CFDP1: variants seen among roughly 807,000 people sequenced by gnomAD.
CFDP1 encodes chromatin remodeling protein CFDP1.
In CFDP1, 31 loss-of-function variants were observed where a neutral mutation model predicts 40.1. The observed-to-expected ratio is 0.77, with a 90% CI of 0.58 to 1.04. The LOEUF is 1.04. Among genes scored for constraint, CFDP1 ranks in the 50% least tolerant of loss-of-function variants. The probability of loss-of-function intolerance (pLI) is 0.00; values close to 1 mark genes in which losing one functional copy is unlikely to be tolerated. For synonymous variants in CFDP1, 167 were observed against 120.0 expected, an observed-to-expected ratio of 1.39 and a Z score of -2.56; for missense variants, 423 against 343.4, an observed-to-expected ratio of 1.23 and a Z score of -1.83.
At chr16:75,411,066 A>C (rs1265460209) in intron 4 of CFDP1, among the ~76,000 whole-genome samples, 2 of 152,036 alleles carry the variant, frequency 1.3e-5, no homozygotes, top group African/African-American at 4.8e-5. Context: ...TAAAAACACA[A>C]AAATAACAGG....
chr16:75,420,512 T>A (rs1180637351), intron 1 of CFDP1, among the ~76,000 whole-genome samples: 11 of 152,254 alleles, frequency 7.2e-5, no homozygotes, highest in Non-Finnish European at 1.5e-4. Flanking sequence ...CAGCTATCTA[T>A]GCCATTATAG....
intron 5 of CFDP1, chr16:75,363,097 C>T (rs541677026): frequency 1.3e-5 from 2 of 152,110 alleles, no homozygotes; most frequent in East Asian, 1.9e-4. Flanking sequence ...CAGACACAAG[C>T]GTTAAGTTAG....
At chr16:75,296,224 A>C (rs1256626436) in intron 6 of CFDP1, among the ~76,000 whole-genome samples, 1 of 152,066 alleles carries the variant, frequency 6.6e-6, no homozygotes, top group African/African-American at 2.4e-5. Flanking sequence ...TGTGGCTTTA[A>C]GCATTTGGGG....
At chr16:75,368,873 T>G (rs536957248) in intron 5 of CFDP1, among the ~76,000 whole-genome samples, 10 of 152,258 alleles carry the variant, frequency 6.6e-5, no homozygotes, top group Admixed American at 6.5e-4. Flanking sequence ...AATAAAAAGT[T>G]GTTTGTTTGT....
chr16:75,320,273 C>A (rs969659073), intron 5 of CFDP1, among the ~76,000 whole-genome samples: 1 of 152,132 alleles, frequency 6.6e-6, no homozygotes, highest in Admixed American at 6.6e-5. Flanking sequence ...GGAGCATGCG[C>A]TTTTATGTGA....
chr16:75,431,055 G>A (rs2079407819), intron 1 of CFDP1, among the ~76,000 whole-genome samples: 1 of 152,086 alleles, frequency 6.6e-6, no homozygotes, highest in South Asian at 2.1e-4. Flanking sequence ...AACAAAAAAT[G>A]GCAATTATTA....
At chr16:75,368,616 A>G (rs2078732425) in intron 5 of CFDP1, among the ~76,000 whole-genome samples, 1 of 152,218 alleles carries the variant, frequency 6.6e-6, no homozygotes. Flanking sequence ...TAACTGTTGA[A>G]GTTTAGTGAT....
chr16:75,353,504 T>C (rs951881457), intron 5 of CFDP1, among the ~76,000 whole-genome samples: 2 of 152,270 alleles, frequency 1.3e-5, no homozygotes, highest in East Asian at 1.9e-4. Context: ...GGCTCACGCC[T>C]GTAATCCAGC....
At chr16:75,295,507 T>C (rs1291060647) in intron 6 of CFDP1, among the ~76,000 whole-genome samples, 1 of 152,188 alleles carries the variant, frequency 6.6e-6, no homozygotes, top group Non-Finnish European at 1.5e-5. Context: ...AAATGACAGG[T>C]AATGTTATCA....
At chr16:75,432,697 G>A (rs2079437010) in intron 1 of CFDP1, among the ~76,000 whole-genome samples, 1 of 152,198 alleles carries the variant, frequency 6.6e-6, no homozygotes, top group Admixed American at 6.5e-5. Flanking sequence ...CGGTTTGTCT[G>A]GGGAAGACCA....
At chr16:75,317,882 G>A (rs1042884924) in intron 5 of CFDP1, among the ~76,000 whole-genome samples, 9 of 151,962 alleles carry the variant, frequency 5.9e-5, no homozygotes, top group African/African-American at 2.2e-4. Flanking sequence ...AGGCTGAGGT[G>A]GGTAGATTAC....
At chr16:75,365,798 T>C (rs780067993) in intron 5 of CFDP1, among the ~76,000 whole-genome samples, 6 of 152,198 alleles carry the variant, frequency 3.9e-5, no homozygotes, top group Non-Finnish European at 7.3e-5. Context: ...CATGAAAAGA[T>C]ACTCAACATC....
Position 75,301,536 on chromosome 16 carries a change from CTTTTTTTTTTT to C in CFDP1, c.809+3477_809+3487del, listed in dbSNP as rs546724752. ...TCTCAACATTAGAGTTTTGTTGTGTCTTTTTTTTTTTTTTTTTTTTTTTTTTTTGGTAAAGA... is the reference window on the plus strand; with the variant it reads ...TCTCAACATTAGAGTTTTGTTGTGTCTTTTTTTTTTTTTTTTTGGTAAAGA... On this transcript the variant is annotated intron_variant, in intron 6 of 6. Coordinates refer to ENST00000283882, the MANE Select transcript of CFDP1 (RefSeq NM_006324.3). 3.4e-3 allele frequency among the ~76,000 whole-genome samples: 184 copies of C among 53,978 alleles called. 4 individuals carry two copies. The highest frequency in any genetic ancestry group is 0.011 in the African/African-American group (166 of 14,516). The allele number at this position is 53,978 out of a possible 152,430, so 35.4% of individuals were successfully genotyped here.
chr16:75,393,724 C>A (rs1465251759), intron 5 of CFDP1, among the ~76,000 whole-genome samples: 2 of 104,544 alleles, frequency 1.9e-5, no homozygotes, highest in East Asian at 2.9e-4. Flanking sequence ...GGCGACAGAG[C>A]GAGACTCCGT....
chr16:75,394,333 G>C (rs2078978388), intron 5 of CFDP1, among the ~76,000 whole-genome samples: 1 of 152,102 alleles, frequency 6.6e-6, no homozygotes, highest in Non-Finnish European at 1.5e-5. Flanking sequence ...CTTCCAAAAA[G>C]AAAGAATTCT....
At chr16:75,399,126 C>A (rs1002150737) in intron 4 of CFDP1, among the ~76,000 whole-genome samples, 2 of 150,408 alleles carry the variant, frequency 1.3e-5, no homozygotes, top group African/African-American at 2.4e-5. Context: ...CTGATTACAA[C>A]TGTACAAGAG....
At chr16:75,391,597 C>A (rs2078951324) in intron 5 of CFDP1, 2 of 152,196 alleles carry the variant, frequency 1.3e-5, no homozygotes, top group Admixed American at 1.3e-4. Context: ...CACCTTTTTA[C>A]ATACCTATTT....
chr16:75,410,962 T>C (rs549423725), intron 4 of CFDP1, among the ~76,000 whole-genome samples: 74 of 149,500 alleles, frequency 4.9e-4, no homozygotes, highest in African/African-American at 1.8e-3. Flanking sequence ...CTCATGCCTG[T>C]AATCCTAGCA....
At chr16:75,399,344 G>C (rs868762008) in intron 4 of CFDP1, among the ~76,000 whole-genome samples, 24 of 152,108 alleles carry the variant, frequency 1.6e-4, no homozygotes, top group Non-Finnish European at 3.1e-4. Context: ...AAATTTCCTT[G>C]CTCTGGGTAG....
Sources: allele counts gnomAD v4.1 joint callset (sites outside exome capture counted in the v4.1 genomes callset), GRCh38; gene constraint gnomAD v4.1.1; transcripts MANE v1.5; gene names NCBI Gene and HGNC (gene_info 2026-07-23, HGNC 2026-07-21).